Variants in PCDHGA7 observed in about 807,000 individuals in gnomAD.
PCDHGA7 encodes protocadherin gamma subfamily A, 7, also known as protocadherin gamma-A7.
In PCDHGA7, 44 loss-of-function variants were observed where a neutral mutation model predicts 58.3. That is an observed-to-expected ratio of 0.75 (90% CI 0.59 to 0.97). The LOEUF (loss-of-function observed/expected upper bound fraction) is 0.97, where lower values mean the gene tolerates loss of function less well. PCDHGA7 is among the 50% of genes least tolerant of loss of function. The probability of loss-of-function intolerance (pLI) is 0.00; values close to 1 mark genes in which losing one functional copy is unlikely to be tolerated. For missense variants in PCDHGA7, 1,266 were observed against 1,188.7 expected, an observed-to-expected ratio of 1.06 and a Z score of -0.96; for synonymous variants, 516 against 504.2, an observed-to-expected ratio of 1.02 and a Z score of -0.31.
intron 1 of PCDHGA7, among the ~76,000 whole-genome samples, chr5:141,462,745 TATG>T (rs1249238113): frequency 6.6e-6 from 1 of 152,262 alleles, no homozygotes; most frequent in Non-Finnish European, 1.5e-5. Flanking sequence ...CTGTAATTCC[TATG>T]ATGATTTTCT....
intron 1 of PCDHGA7, among the ~76,000 whole-genome samples, chr5:141,460,317 A>G (rs1045494740): frequency 4.6e-5 from 7 of 152,260 alleles, no homozygotes; most frequent in African/African-American, 1.7e-4. Flanking sequence ...CTCCTTGCCT[A>G]CTGAAAACTT....
intron 1 of PCDHGA7, chr5:141,410,849 C>CTTTTTTTTTTTTTTGTTTTTTTT (rs2095434772): frequency 7.7e-6 from 1 of 129,786 alleles, no homozygotes; most frequent in Admixed American, 1.1e-4. Flanking sequence ...TTGTCTTTGT[C>CTTTTTTTTTTTTTTGTTTTTTTT]TTTTTTTTTT....
intron 1 of PCDHGA7, 63 bp from the exon 2 acceptor site, chr5:141,494,744 G>T: frequency 6.2e-7 from 1 of 1,612,702 alleles, no homozygotes; most frequent in South Asian, 1.1e-5. Flanking sequence ...CATCCCTAGG[G>T]GCTCGGGTGA....
chr5:141,420,286 A>C, intron 1 of PCDHGA7: 1 of 1,505,774 alleles, frequency 6.6e-7, no homozygotes, highest in Non-Finnish European at 8.9e-7. Flanking sequence ...TAAGTATTTA[A>C]AAATGTATTT....
chr5:141,427,458 A>T (rs2097029342), intron 1 of PCDHGA7: 1 of 494,398 alleles, frequency 2.0e-6, no homozygotes, highest in African/African-American at 1.9e-5. Context: ...TCCTTTTAGA[A>T]TCGAATCTTC....
At chr5:141,478,723 A>C in intron 1 of PCDHGA7, 16 of 1,543,220 alleles carry the variant, frequency 1.0e-5, no homozygotes, top group Non-Finnish European at 1.3e-5. Flanking sequence ...GTGGCCTGCC[A>C]GAGTGTGGTT....
chr5:141,382,970 G>A lies in PCDHGA7; in HGVS notation c.71G>A (p.Trp24Ter), dbSNP rs776231859. 3 of 1,609,444 alleles carry A rather than the reference G, an allele frequency of 1.9e-6. No individual in the cohort carries two copies. Among genetic ancestry groups the A allele is most frequent in the Non-Finnish European group, 2.5e-6 (3 of 1,176,702 alleles). ...CTCTCCATCCTCCTGGGGACCCCCT[G>A]GGAAGCCTGGGCAGGACGTATTCTC... Reference protein sequence around the residue: ...FLLSILLGTPWEAWAGRILYS... With the variant: ...FLLSILLGTP The change falls in exon 1 of 4, where the codon TGG becomes TAG. Residue 24 changes from tryptophan to a stop codon, truncating the protein, a stop_gained. Transcript: ENST00000518325. LOFTEE classifies it high-confidence loss of function.
Position 141,432,849 on chromosome 5 carries a change from T to G in PCDHGA7, c.2424+47526T>G. The G allele has an allele frequency of 1.2e-6, 2 of 1,614,194 alleles. No homozygotes were observed. The highest frequency in any genetic ancestry group is 2.2e-5 in the South Asian group (2 of 91,092). ...CTCACTCTGTACCTGGTGGTAGCGG[T>G]GGCCGCGGTCTCCTGCGTCTTCCTG... On this transcript the variant is annotated intron_variant, in intron 1 of 3. Coordinates refer to ENST00000518325, the MANE Select transcript of PCDHGA7 (RefSeq NM_018920.4). This position sits in a 1 kb window ranked among gnomAD's most constrained non-coding sequence, Gnocchi z 6.0.
intron 1 of PCDHGA7, chr5:141,393,251 G>T: frequency 5.6e-6 from 9 of 1,613,814 alleles, no homozygotes; most frequent in Non-Finnish European, 6.8e-6. Flanking sequence ...ACGAAATCGC[G>T]GTTCCTGGAG....
intron 1 of PCDHGA7, chr5:141,399,845 T>G: frequency 6.2e-7 from 1 of 1,612,982 alleles, no homozygotes; most frequent in Non-Finnish European, 8.5e-7. Context: ...CTCTTCGATA[T>G]GGTGCCGCGC....
At chr5:141,423,362 T>G (rs1419859253) in intron 1 of PCDHGA7, 1 of 1,614,112 alleles carries the variant, frequency 6.2e-7, no homozygotes, top group African/African-American at 1.3e-5. Flanking sequence ...GTCATCGTGC[T>G]GCTGGCACTC....
At chr5:141,443,113 T>C (rs2098364390) in intron 1 of PCDHGA7, among the ~76,000 whole-genome samples, 1 of 152,040 alleles carries the variant, frequency 6.6e-6, no homozygotes, top group African/African-American at 2.4e-5. Flanking sequence ...ACCTTGCTTT[T>C]CAAACCAGAT....
At chr5:141,418,000 G>A (rs758811293) in intron 1 of PCDHGA7, 6 of 1,613,902 alleles carry the variant, frequency 3.7e-6, no homozygotes, top group Admixed American at 1.7e-5. Context: ...GCTCGGTGGT[G>A]GGGAACCTCG....
intron 1 of PCDHGA7, chr5:141,389,406 G>A (rs1235613335): frequency 1.9e-6 from 3 of 1,613,632 alleles, no homozygotes; most frequent in South Asian, 2.2e-5. Flanking sequence ...CATAAGCGCG[G>A]AGAGCGGGGT....
intron 1 of PCDHGA7, chr5:141,428,285 C>CA (rs2097130658): frequency 2.7e-6 from 2 of 734,934 alleles, no homozygotes; most frequent in Non-Finnish European, 4.7e-6. Context: ...GATTCCCAAG[C>CA]AAAGCTGCAG....
chr5:141,475,899 T>A, intron 1 of PCDHGA7: 1 of 574,766 alleles, frequency 1.7e-6, no homozygotes. Flanking sequence ...TGTGTGCCGC[T>A]GTCGGCCAAT....
In PCDHGA7 at chr5:141,476,928, T is replaced by C. The variant is rs1279715094; in HGVS notation, c.2425-17879T>C. 6.2e-7 allele frequency: 1 copy of C among 1,614,142 alleles called. No individual in the cohort carries two copies. The highest frequency in any genetic ancestry group is 2.2e-5 in the East Asian group (1 of 44,868). On this transcript the variant is annotated intron_variant, in intron 1 of 3. Transcript: ENST00000518325. This position sits in a 1 kb window ranked among gnomAD's most constrained non-coding sequence, Gnocchi z 7.6. ...GTGGTACAAGTCCTTGCAACGGATC[T>C]GGATGAAGGCCCCAACGGTGAAATT...
chr5:141,431,356 C>T lies in PCDHGA7; in HGVS notation c.2424+46033C>T. ...ACCCCGAATTGGTGCTGAAACGCGC[C>T]CTGGACCGCGAAGAAAAGGCTGCTC... On this transcript the variant is annotated intron_variant, in intron 1 of 3. Transcript: ENST00000518325. This position sits in a 1 kb window ranked among gnomAD's most constrained non-coding sequence, Gnocchi z 4.8. 6.2e-7 allele frequency: 1 copy of T among 1,614,004 alleles called. No individual in the cohort carries two copies. The highest frequency in any genetic ancestry group is 8.5e-7 in the Non-Finnish European group (1 of 1,180,026).
At chr5:141,475,902 C>T (rs1296545944) in intron 1 of PCDHGA7, 1 of 576,594 alleles carries the variant, frequency 1.7e-6, no homozygotes, top group Non-Finnish European at 3.0e-6. Context: ...GTGCCGCTGT[C>T]GGCCAATGAA....
Sources: gnomAD v4.1 joint callset for allele counts (sites outside exome capture counted in the v4.1 genomes callset) on GRCh38, gnomAD v4.1.1 for gene constraint, Gnocchi (gnomAD v3.1) non-coding constraint, MANE v1.5 for transcripts, NCBI Gene and HGNC (gene_info 2026-07-23, HGNC 2026-07-21) for gene names.